Variants in DENND11 observed in about 807,000 individuals in gnomAD.
DENND11 encodes the protein DENN domain containing 11, also known as DENN domain-containing protein 11.
Under a neutral mutation model 49.2 loss-of-function variants are expected in DENND11, and 34 were observed. That is an observed-to-expected ratio of 0.69 (90% confidence interval 0.53 to 0.92). DENND11 has a LOEUF of 0.92. Ranked by LOEUF, DENND11 falls within the 40% of genes least tolerant of loss-of-function variation. The pLI is 0.00. For missense variants in DENND11, 475 were observed against 581.6 expected (o/e 0.82, Z 1.88); for synonymous variants, 238 against 230.3 (o/e 1.03, Z -0.30).
intron 1 of DENND11, among the ~76,000 whole-genome samples, chr7:141,691,746 A>C (rs1483830411): frequency 6.6e-6 from 1 of 152,200 alleles, no homozygotes; most frequent in African/African-American, 2.4e-5. Context: ...CTTGAATGAA[A>C]GGGAAGTAGG....
At chr7:141,686,016 C>T (rs1584722013) in intron 2 of DENND11, among the ~76,000 whole-genome samples, 1 of 152,340 alleles carries the variant, frequency 6.6e-6, no homozygotes, top group South Asian at 2.1e-4. Flanking sequence ...TCCCTTACTT[C>T]CTGAGGCTCT....
intron 3 of DENND11, among the ~76,000 whole-genome samples, chr7:141,675,547 C>T (rs1464054511): frequency 6.6e-6 from 1 of 152,186 alleles, no homozygotes; most frequent in Non-Finnish European, 1.5e-5. Flanking sequence ...GCAAGGGAAA[C>T]ATCCCTAATT....
rs938486238 is a variant in DENND11, at chr7:141,701,995, C to G, written c.159G>C (p.Glu53Asp). 8.8e-7 allele frequency: 1 copy of G among 1,141,222 alleles called. No homozygotes were observed. The highest frequency in any genetic ancestry group is 1.1e-6 in the Non-Finnish European group (1 of 930,392). The allele number at this position is 1,141,222 out of a possible 1,614,324, so 70.7% of individuals were successfully genotyped here. ...AAEPPRRREP[E>D]EPAAPEVLLQ... ...GCAGCACCTCCGGGGCGGCCGGCTC[C>G]TCGGGCTCCCGCCTCCGGGGCGGCT... Residue 53 changes from glutamate to aspartate, a missense_variant, in exon 1 of 9, where the codon GAG (glutamate) becomes GAC (aspartate). Transcript: ENST00000536163.
chr7:141,667,657 G>A (rs752238920), intron 4 of DENND11, among the ~76,000 whole-genome samples: 1 of 152,228 alleles, frequency 6.6e-6, no homozygotes, highest in East Asian at 1.9e-4. Flanking sequence ...GAGAGGCACC[G>A]ACTCTCGGGC....
chr7:141,689,865 A>G (rs1314844930), intron 1 of DENND11, among the ~76,000 whole-genome samples: 3 of 152,184 alleles, frequency 2.0e-5, no homozygotes, highest in African/African-American at 7.2e-5. Flanking sequence ...TTGTTCATCT[A>G]TTACTTCTAT....
rs1304121277 is a variant in DENND11, at chr7:141,657,361, G to C, written c.*5295C>G. 1 of 152,098 alleles carries C rather than the reference G, an allele frequency of 6.6e-6. No homozygotes were observed. Among genetic ancestry groups the C allele is most frequent in the Non-Finnish European group, 1.5e-5 (1 of 68,022 alleles). 9.4% of individuals were successfully genotyped at this position (152,098 alleles called of 1,614,324 possible). A position where few individuals can be genotyped will look rare whatever the true frequency, so the allele number is the denominator to read the frequency against. Reference sequence around the variant, plus strand: ...TTCACTTGACAGTCTTTGTGGACACGTTAGACCCAAACTTTTTTTTGTATA... The same window carrying C: ...TTCACTTGACAGTCTTTGTGGACACCTTAGACCCAAACTTTTTTTTGTATA... On this transcript the variant is annotated 3_prime_UTR_variant, in exon 9 of 9. Coordinates refer to ENST00000536163, the MANE Select transcript of DENND11 (RefSeq NM_001080392.2).
In DENND11 at chr7:141,657,455, C is replaced by CT. The variant is rs1797715126; in HGVS notation, c.*5200dup. On this transcript the variant is annotated 3_prime_UTR_variant, in exon 9 of 9. Transcript: ENST00000536163. ...TTACCCAAAGGAAGGAGTTTTCACT[C>CT]TAATGTCAATATATTTGCAACCATC... The CT allele has an allele frequency of 1.3e-5, 2 of 152,308 alleles. No individual in the cohort carries two copies. Among genetic ancestry groups the CT allele is most frequent in the East Asian group, 3.9e-4 (2 of 5,186 alleles). 9.4% of individuals were successfully genotyped at this position (152,308 alleles called of 1,614,324 possible).
Position 141,657,678 on chromosome 7 carries a change from GATC to G in DENND11, c.*4975_*4977del, listed in dbSNP as rs1360146158. 2 of 152,232 alleles carry G rather than the reference GATC, an allele frequency of 1.3e-5. No individual in the cohort carries two copies. The highest frequency in any genetic ancestry group is 4.8e-5 in the African/African-American group (2 of 41,402). The allele number at this position is 152,232 out of a possible 1,614,324, so 9.4% of individuals were successfully genotyped here. On this transcript the variant is annotated 3_prime_UTR_variant, in exon 9 of 9. Transcript: ENST00000536163. ...ATGAAAATTAAATTTTCTGAATTTA[GATC>G]ATATTAGCTCTAAAAGCCCCACAGT...
intron 3 of DENND11, among the ~76,000 whole-genome samples, chr7:141,679,374 A>G (rs1798113566): frequency 6.6e-6 from 1 of 152,256 alleles, no homozygotes; most frequent in Admixed American, 6.5e-5. Flanking sequence ...CAATTTATAC[A>G]AAGAAACAAA....
intron 4 of DENND11, among the ~76,000 whole-genome samples, chr7:141,669,666 TA>T (rs1797947712): frequency 6.6e-6 from 1 of 152,066 alleles, no homozygotes; most frequent in African/African-American, 2.4e-5. Flanking sequence ...GATATATATA[TA>T]TTATTTTCCA....
At chr7:141,685,054 A>T (rs1163597381) in intron 3 of DENND11, among the ~76,000 whole-genome samples, 1 of 138,884 alleles carries the variant, frequency 7.2e-6, no homozygotes, top group Non-Finnish European at 1.6e-5. Context: ...ATATATATAT[A>T]TATATTTTTA....
At chr7:141,669,535 C>T (rs865793384) in intron 4 of DENND11, among the ~76,000 whole-genome samples, 3 of 151,974 alleles carry the variant, frequency 2.0e-5, no homozygotes, top group Admixed American at 6.6e-5. Flanking sequence ...CATGAGCCGC[C>T]GTGCTCAGAC....
At chr7:141,666,190 G>C (rs1797891179) in intron 5 of DENND11, 97 bp downstream of exon 5, 1 of 1,351,990 alleles carries the variant, frequency 7.4e-7, no homozygotes, top group Admixed American at 2.2e-5. Flanking sequence ...CCCTGGATGT[G>C]GCCCAAGCTC....
In DENND11 at chr7:141,677,813, A is replaced by G. The variant is rs115989659; in HGVS notation, c.528-3593T>C. Among the ~76,000 whole-genome samples the G allele has an allele frequency of 3.2e-3, 494 of 152,284 alleles. 2 individuals carry two copies. Among genetic ancestry groups the G allele is most frequent in the African/African-American group, 0.011 (466 of 41,552 alleles). ...AAACAAGGAACACCCTAAAAGCCCA[A>G]TAACAGTGAAACAGTTAAATAAATT... On this transcript the variant is annotated intron_variant, in intron 3 of 8. Coordinates refer to ENST00000536163, the MANE Select transcript of DENND11 (RefSeq NM_001080392.2).
chr7:141,701,219 T>G (rs1388604452), intron 1 of DENND11, among the ~76,000 whole-genome samples: 1 of 152,048 alleles, frequency 6.6e-6, no homozygotes. Flanking sequence ...CCGGGGAGGC[T>G]TCTCCTTTAA....
chr7:141,687,222 T>TCC, intron 1 of DENND11, among the ~76,000 whole-genome samples: 1 of 152,300 alleles, frequency 6.6e-6, no homozygotes, highest in Middle Eastern at 3.4e-3. Flanking sequence ...TAACTCTGTT[T>TCC]CCCCTCCTCT....
chr7:141,663,188 A>C, intron 8 of DENND11: 1 of 219,368 alleles, frequency 4.6e-6, no homozygotes, highest in Non-Finnish European at 8.9e-6. Flanking sequence ...CTTTCTGCTT[A>C]GTCATAGGAG....
At chr7:141,688,334 C>T (rs767780618) in intron 1 of DENND11, among the ~76,000 whole-genome samples, 2 of 152,216 alleles carry the variant, frequency 1.3e-5, no homozygotes, top group Non-Finnish European at 2.9e-5. Context: ...CCAAACAACG[C>T]TTTCAGATAA....
chr7:141,688,537 G>C (rs958250059), intron 1 of DENND11, among the ~76,000 whole-genome samples: 1 of 152,216 alleles, frequency 6.6e-6, no homozygotes, highest in African/African-American at 2.4e-5. Flanking sequence ...AGTTCATAAA[G>C]CAGAAAGCCT....
Sources: gnomAD v4.1 joint callset for allele counts (sites outside exome capture counted in the v4.1 genomes callset) on GRCh38, gnomAD v4.1.1 for gene constraint, MANE v1.5 for transcripts, NCBI Gene and HGNC (gene_info 2026-07-23, HGNC 2026-07-21) for gene names.